OSBPL10: variants seen among roughly 807,000 people sequenced by gnomAD.
OSBPL10 encodes the protein oxysterol-binding protein-related protein 10.
Under a neutral mutation model 81.7 loss-of-function variants are expected in OSBPL10, and 49 were observed. That is an observed-to-expected ratio of 0.60 (90% CI 0.48 to 0.76). The LOEUF (loss-of-function observed/expected upper bound fraction) is 0.76. Among genes scored for constraint, OSBPL10 ranks in the 30% least tolerant of loss-of-function variants. OSBPL10 has a pLI of 0.00. For missense variants in OSBPL10, 923 were observed against 987.8 expected (o/e 0.93, Z 0.88); for synonymous variants, 419 against 383.6 (o/e 1.09, Z -1.08).
At chr3:31,863,895 C>A (rs972309295) in intron 3 of OSBPL10, among the ~76,000 whole-genome samples, 1 of 152,092 alleles carries the variant, frequency 6.6e-6, no homozygotes, top group Non-Finnish European at 1.5e-5. Context: ...AAATCCAACA[C>A]CACTACTACT....
intron 6 of OSBPL10, among the ~76,000 whole-genome samples, chr3:31,718,539 C>A (rs766621846): frequency 6.6e-6 from 1 of 152,170 alleles, no homozygotes; most frequent in Non-Finnish European, 1.5e-5. Flanking sequence ...ATTCTCTACT[C>A]CTGAACACAT....
intron 4 of OSBPL10, among the ~76,000 whole-genome samples, chr3:31,803,845 T>C (rs1034418904): frequency 6.6e-6 from 1 of 152,244 alleles, no homozygotes; most frequent in African/African-American, 2.4e-5. Flanking sequence ...ACAGAGGTGA[T>C]GTTGTACCTT....
At chr3:31,795,527 G>A (rs77063862) in intron 4 of OSBPL10, 10,271 of 185,666 alleles carry the variant, frequency 0.055, 713 homozygotes, top group African/African-American at 0.18. Context: ...TGCAGTGAAT[G>A]TGGGAAATCC....
intron 4 of OSBPL10, among the ~76,000 whole-genome samples, chr3:31,755,709 C>T (rs6550067): frequency 0.69 from 105,046 of 152,036 alleles, 36,512 homozygotes; most frequent in East Asian, 0.82. Flanking sequence ...CCCAAAGACC[C>T]AGAACATCCA....
intron 11 of OSBPL10, chr3:31,663,332 T>G (rs889323092): frequency 2.0e-6 from 2 of 985,516 alleles, no homozygotes; most frequent in Non-Finnish European, 2.4e-6. Flanking sequence ...GAGTGGCATC[T>G]GCCCCAGCCC....
chr3:31,723,571 C>CACACACACACA (rs376763435), intron 6 of OSBPL10, among the ~76,000 whole-genome samples: 5 of 151,234 alleles, frequency 3.3e-5, no homozygotes, highest in African/African-American at 7.3e-5. Context: ...CACACACACA[C>CACACACACACA]CCCTTTCCCT....
chr3:31,792,860 C>CTGTGTGTGTG (rs6147757), intron 4 of OSBPL10, among the ~76,000 whole-genome samples: 1,737 of 126,602 alleles, frequency 0.014, 35 homozygotes, highest in Admixed American at 0.059. Context: ...TCTAGGCACT[C>CTGTGTGTGTG]TGTGTGTGTG....
At chr3:31,963,944 T>C (rs1698240639) in intron 1 of OSBPL10, among the ~76,000 whole-genome samples, 1 of 151,868 alleles carries the variant, frequency 6.6e-6, no homozygotes, top group Non-Finnish European at 1.5e-5. Flanking sequence ...TGGCCCCAAT[T>C]AGAAATTGTT....
At chr3:31,733,943 G>A (rs1697066723) in intron 5 of OSBPL10, among the ~76,000 whole-genome samples, 1 of 151,890 alleles carries the variant, frequency 6.6e-6, no homozygotes. Context: ...CTGGGAGGCG[G>A]AGCTTGCAGT....
At chr3:31,868,005 A>C (rs1184405138) in intron 3 of OSBPL10, among the ~76,000 whole-genome samples, 3 of 152,178 alleles carry the variant, frequency 2.0e-5, no homozygotes, top group Non-Finnish European at 4.4e-5. Context: ...ACAGAGATGT[A>C]AACTGCCCAT....
chr3:31,704,799 G>C (rs1371430907), intron 6 of OSBPL10: 1 of 152,012 alleles, frequency 6.6e-6, no homozygotes. Flanking sequence ...AGACCTTCGG[G>C]GACCACACCT....
chr3:31,871,978 ACT>A (rs906750421), intron 3 of OSBPL10, among the ~76,000 whole-genome samples: 2 of 151,698 alleles, frequency 1.3e-5, no homozygotes, highest in African/African-American at 4.8e-5. Context: ...TGGCTTTATG[ACT>A]CTCTCTCAAC....
intron 3 of OSBPL10, among the ~76,000 whole-genome samples, chr3:31,850,359 C>A (rs1216056825): frequency 6.6e-6 from 1 of 151,782 alleles, no homozygotes; most frequent in Non-Finnish European, 1.5e-5. Flanking sequence ...GAAAAAAATT[C>A]CAAGAGCTAG....
intron 5 of OSBPL10, among the ~76,000 whole-genome samples, chr3:31,738,189 T>TG (rs1190846412): frequency 2.0e-5 from 3 of 151,778 alleles, no homozygotes; most frequent in Admixed American, 6.6e-5. Context: ...GCAAAATCAA[T>TG]GGGAAAAAAA....
At chr3:31,734,157 C>A (rs1697075825) in intron 5 of OSBPL10, among the ~76,000 whole-genome samples, 1 of 152,200 alleles carries the variant, frequency 6.6e-6, no homozygotes, top group African/African-American at 2.4e-5. Context: ...GATGCCACCC[C>A]TGCCCTCAGA....
chr3:31,937,908 C>G (rs1461030168), intron 1 of OSBPL10, among the ~76,000 whole-genome samples: 1 of 152,192 alleles, frequency 6.6e-6, no homozygotes, highest in African/African-American at 2.4e-5. Context: ...CCAAGTCCAG[C>G]AGTCATTCCA....
chr3:31,777,551 G>T lies in OSBPL10; in HGVS notation c.730-29431C>A, dbSNP rs144218853. On this transcript the variant is annotated intron_variant, in intron 4 of 11. Transcript: ENST00000396556. ...CACTTAGATGATGGAACAGTGTGTGGAGACTCACAGTGTGGACTTTTGTTC... is the reference window on the plus strand; with the variant it reads ...CACTTAGATGATGGAACAGTGTGTGTAGACTCACAGTGTGGACTTTTGTTC... Among the ~76,000 whole-genome samples, 926 of 152,302 alleles carry T rather than the reference G, an allele frequency of 6.1e-3. 5 individuals carry two copies. The highest frequency in any genetic ancestry group is 0.01 in the Non-Finnish European group (712 of 68,024).
At chr3:32,060,232 C>A (rs976700561) in intron 1 of OSBPL10, among the ~76,000 whole-genome samples, 1 of 152,160 alleles carries the variant, frequency 6.6e-6, no homozygotes, top group Non-Finnish European at 1.5e-5. Context: ...TTAAAACAAA[C>A]TGAATGATGA....
intron 4 of OSBPL10, among the ~76,000 whole-genome samples, chr3:31,796,556 T>G (rs1239166603): frequency 2.0e-5 from 3 of 152,160 alleles, no homozygotes; most frequent in African/African-American, 7.2e-5. Context: ...TTTTGCCCCT[T>G]TCCTCTATAA....
Sources: gnomAD v4.1 joint callset for allele counts (sites outside exome capture counted in the v4.1 genomes callset) on GRCh38, gnomAD v4.1.1 for gene constraint, MANE v1.5 for transcripts, NCBI Gene and HGNC (gene_info 2026-07-23, HGNC 2026-07-21) for gene names.